The following PHYHIPL variants were observed in gnomAD, a reference collection of about 807,000 sequenced individuals.
PHYHIPL encodes the protein phytanoyl-CoA hydroxylase-interacting protein-like.
A neutral mutation model predicts 33.4 loss-of-function variants in PHYHIPL; 9 were observed. The ratio of observed to expected loss-of-function variants is 0.27; its 90% confidence interval spans 0.16 to 0.47. The LOEUF (loss-of-function observed/expected upper bound fraction) is 0.47, where lower values mean the gene tolerates loss of function less well. Ranked by LOEUF, PHYHIPL falls within the 20% of genes least tolerant of loss-of-function variation. The pLI, the probability that PHYHIPL is intolerant of heterozygous loss-of-function variation, is 0.99. For synonymous variants in PHYHIPL, 153 were observed against 154.1 expected, an observed-to-expected ratio of 0.99 and a Z score of 0.05; for missense variants, 365 against 460.7, an observed-to-expected ratio of 0.79 and a Z score of 1.90.
chr10:59,245,554 C>G lies in PHYHIPL; in HGVS notation c.1094C>G (p.Pro365Arg). The G allele has an allele frequency of 6.2e-7, 1 of 1,609,924 alleles. No individual in the cohort carries two copies. ...TCTACTGCAAATGCAAAGAAAGATC[C>G]CAGCTGCAAAACCTGTAATATCAGT... ...SLSTANAKKD[P>R]SCKTCNISVG... The change falls in exon 5 of 5, where the codon CCC (proline) becomes CGC (arginine). Residue 365 changes from proline (P) to arginine (R), a missense_variant. By Grantham distance (103) the Pro-to-Arg change is moderately radical. Around this residue, in one of 4 missense-constraint regions of PHYHIPL, gnomAD observed 17 missense variants for 38.2 expected, o/e 0.45. Transcript: ENST00000373880.
At chr10:59,201,176 C>G (rs1030213534) in intron 1 of PHYHIPL, among the ~76,000 whole-genome samples, 8 of 152,180 alleles carry the variant, frequency 5.3e-5, no homozygotes, top group African/African-American at 1.7e-4. Flanking sequence ...ATCTTTCCTG[C>G]TTTCTCTTGT....
At chr10:59,235,218 T>C (rs1048814271) in intron 2 of PHYHIPL, among the ~76,000 whole-genome samples, 4 of 151,780 alleles carry the variant, frequency 2.6e-5, no homozygotes, top group African/African-American at 9.7e-5. Context: ...TTTTTGTCTT[T>C]TGCTTTTTAG....
At chr10:59,207,276 G>A (rs1321036082) in intron 1 of PHYHIPL, among the ~76,000 whole-genome samples, 1 of 152,102 alleles carries the variant, frequency 6.6e-6, no homozygotes, top group Admixed American at 6.5e-5. Context: ...GCCAACAGAG[G>A]GCCAGCCAAA....
At chr10:59,195,782 A>G (rs1342374622) in intron 1 of PHYHIPL, among the ~76,000 whole-genome samples, 1 of 152,162 alleles carries the variant, frequency 6.6e-6, no homozygotes, top group Non-Finnish European at 1.5e-5. Context: ...GTTTTTACAT[A>G]TGTAAAGACT....
chr10:59,184,976 A>C (rs1034636618), intron 1 of PHYHIPL, among the ~76,000 whole-genome samples: 2 of 149,264 alleles, frequency 1.3e-5, no homozygotes, highest in Admixed American at 6.7e-5. Flanking sequence ...AAAGGACATG[A>C]ACTCATCATT....
intron 1 of PHYHIPL, among the ~76,000 whole-genome samples, chr10:59,230,497 G>A (rs1022381107): frequency 2.0e-5 from 3 of 152,104 alleles, no homozygotes; most frequent in Non-Finnish European, 2.9e-5. Flanking sequence ...TTACAGGCAC[G>A]AGGCACTGAG....
At chr10:59,196,974 G>T (rs1838940224) in intron 1 of PHYHIPL, among the ~76,000 whole-genome samples, 1 of 152,154 alleles carries the variant, frequency 6.6e-6, no homozygotes, top group South Asian at 2.1e-4. Flanking sequence ...GGCTCTGGAG[G>T]TAAACAGTTC....
At chr10:59,216,778 A>G (rs1839625758) in intron 1 of PHYHIPL, among the ~76,000 whole-genome samples, 1 of 152,142 alleles carries the variant, frequency 6.6e-6, no homozygotes, top group African/African-American at 2.4e-5. Context: ...TTGGTTATGA[A>G]GGGAAGCAAA....
intron 1 of PHYHIPL, chr10:59,177,621 A>G (rs1838288754): frequency 6.4e-7 from 1 of 1,551,620 alleles, no homozygotes; most frequent in Non-Finnish European, 8.7e-7. Context: ...TGTGGCGAGT[A>G]CGTACCATTG....
intron 1 of PHYHIPL, among the ~76,000 whole-genome samples, chr10:59,202,260 G>T (rs913395350): frequency 6.6e-6 from 1 of 151,884 alleles, no homozygotes; most frequent in African/African-American, 2.4e-5. Flanking sequence ...CAGTAATAGG[G>T]TACACTAGAA....
intron 1 of PHYHIPL, among the ~76,000 whole-genome samples, chr10:59,192,811 A>G (rs1838816465): frequency 6.6e-6 from 1 of 152,140 alleles, no homozygotes; most frequent in East Asian, 1.9e-4. Flanking sequence ...TTTTGATACC[A>G]GCAAATAAAA....
intron 1 of PHYHIPL, among the ~76,000 whole-genome samples, chr10:59,196,137 T>C (rs1348842551): frequency 6.6e-6 from 1 of 152,092 alleles, no homozygotes; most frequent in Non-Finnish European, 1.5e-5. Flanking sequence ...GTGATAGCCC[T>C]TAAAACAAAG....
intron 1 of PHYHIPL, among the ~76,000 whole-genome samples, chr10:59,180,235 T>G (rs1838365047): frequency 7.1e-6 from 1 of 140,740 alleles, no homozygotes. Context: ...TACTTGTGCT[T>G]TTCGTCTTTT....
chr10:59,202,148 T>A (rs533013198), intron 1 of PHYHIPL, among the ~76,000 whole-genome samples: 2 of 152,170 alleles, frequency 1.3e-5, no homozygotes, highest in African/African-American at 4.8e-5. Flanking sequence ...TGAGATTATG[T>A]TAGAGATGAA....
chr10:59,176,933 A>C lies in PHYHIPL; in HGVS notation c.80A>C (p.Glu27Ala). 2 of 1,613,584 alleles carry C rather than the reference A, an allele frequency of 1.2e-6. No homozygotes were observed. Among genetic ancestry groups the C allele is most frequent in the Non-Finnish European group, 1.7e-6 (2 of 1,179,796 alleles). The change falls in exon 1 of 5, where the codon GAG becomes GCG. Residue 27 changes from glutamate to alanine, a missense_variant. Around this residue, in one of 4 missense-constraint regions of PHYHIPL, gnomAD observed 89 missense variants for 78.3 expected, o/e 1.14. Transcript: ENST00000373880. Reference protein sequence around the residue: ...CEEVIKNLSLEAIQLCDRDGN... With the variant: ...CEEVIKNLSLAAIQLCDRDGN... The stretch of plus-strand genomic sequence containing the variant: ...GAGGTGATCAAAAACCTCAGCCTGG[A>C]GGCCATTCAGCTGTGCGACCGGGAC...
At chr10:59,239,793 A>G (rs571335278) in intron 4 of PHYHIPL, among the ~76,000 whole-genome samples, 1 of 152,144 alleles carries the variant, frequency 6.6e-6, no homozygotes, top group South Asian at 2.1e-4. Context: ...AAAATGGCAA[A>G]TGCTATATAG....
intron 1 of PHYHIPL, among the ~76,000 whole-genome samples, chr10:59,186,084 T>G (rs1275801621): frequency 6.6e-6 from 1 of 152,174 alleles, no homozygotes; most frequent in Admixed American, 6.5e-5. Context: ...TCTTCTAGGG[T>G]TTTTATGGTT....
intron 1 of PHYHIPL, among the ~76,000 whole-genome samples, chr10:59,224,150 T>C (rs538721185): frequency 1.3e-5 from 2 of 152,350 alleles, no homozygotes; most frequent in East Asian, 3.9e-4. Flanking sequence ...TATTGTGTTA[T>C]ACGGGTGAAT....
chr10:59,237,363 TGGGATAC>T (rs1014949047), intron 3 of PHYHIPL, among the ~76,000 whole-genome samples: 2 of 151,942 alleles, frequency 1.3e-5, no homozygotes, highest in Admixed American at 6.6e-5. Context: ...TCAGTGTTAA[TGGGATAC>T]CATATCTCTA....
Sources: gnomAD v4.1 joint callset for allele counts (sites outside exome capture counted in the v4.1 genomes callset) on GRCh38, gnomAD v4.1.1 for gene constraint, gnomAD v4.1.1 regional missense constraint, MANE v1.5 for transcripts, NCBI Gene and HGNC (gene_info 2026-07-23, HGNC 2026-07-21) for gene names.